Variants in KALRN observed in about 807,000 individuals in gnomAD.
KALRN encodes kalirin.
Under a neutral mutation model 353.7 loss-of-function variants are expected in KALRN, and 70 were observed. That is an observed-to-expected ratio of 0.20 (90% CI 0.16 to 0.24). KALRN has a LOEUF of 0.24. Ranked by LOEUF, KALRN falls within the 10% of genes least tolerant of loss-of-function variation. The pLI, the probability that KALRN is intolerant of heterozygous loss-of-function variation, is 1.00. For missense variants in KALRN, 2,791 were observed against 3,756.7 expected (o/e 0.74, Z 6.72); for synonymous variants, 1,391 against 1,434.8 (o/e 0.97, Z 0.69).
chr3:124,377,945 T>C (rs762173905), intron 10 of KALRN, among the ~76,000 whole-genome samples: 1 of 152,146 alleles, frequency 6.6e-6, no homozygotes, highest in Non-Finnish European at 1.5e-5. Context: ...TTTGTACTTA[T>C]AGTGCATTCC....
At chr3:124,360,635 G>A (rs78311378) in intron 10 of KALRN, among the ~76,000 whole-genome samples, 172 of 152,364 alleles carry the variant, frequency 1.1e-3, no homozygotes, top group Non-Finnish European at 2.0e-3. Flanking sequence ...CCAGAGGAAA[G>A]CTTTCTTGTC....
At chr3:124,516,683 G>T (rs1397364486) in intron 33 of KALRN, among the ~76,000 whole-genome samples, 3 of 149,434 alleles carry the variant, frequency 2.0e-5, no homozygotes, top group Non-Finnish European at 3.0e-5. Context: ...ATTATGGTGT[G>T]TGTGGGGGTG....
intron 14 of KALRN, among the ~76,000 whole-genome samples, chr3:124,415,823 A>G (rs925368050): frequency 1.3e-5 from 2 of 152,238 alleles, no homozygotes; most frequent in Non-Finnish European, 2.9e-5. Context: ...ACTTGGGAGC[A>G]GATTAGGAAT....
At chr3:124,598,010 C>T (rs2076431378) in intron 34 of KALRN, among the ~76,000 whole-genome samples, 1 of 152,144 alleles carries the variant, frequency 6.6e-6, no homozygotes, top group Non-Finnish European at 1.5e-5. Flanking sequence ...GAAGACCCAG[C>T]TCTTTGGAAG....
intron 54 of KALRN, among the ~76,000 whole-genome samples, chr3:124,696,546 T>G (rs1004805914): frequency 6.6e-6 from 1 of 152,216 alleles, no homozygotes; most frequent in African/African-American, 2.4e-5. Context: ...TCTTAACCAT[T>G]TTTTAAAAAA....
At chr3:124,592,324 A>G (rs1053007559) in intron 34 of KALRN, among the ~76,000 whole-genome samples, 18 of 151,366 alleles carry the variant, frequency 1.2e-4, no homozygotes, top group South Asian at 1.1e-3. Context: ...AAAAAAAAAA[A>G]AAAAAGAAAA....
intron 1 of KALRN, among the ~76,000 whole-genome samples, chr3:124,143,250 G>A (rs893491785): frequency 6.6e-6 from 1 of 152,100 alleles, no homozygotes; most frequent in Non-Finnish European, 1.5e-5. Context: ...GCAAGAAAAG[G>A]CACATATTTC....
intron 5 of KALRN, among the ~76,000 whole-genome samples, chr3:124,273,576 G>A (rs2074387659): frequency 1.3e-5 from 2 of 152,280 alleles, no homozygotes; most frequent in South Asian, 4.2e-4. Context: ...AATAGACATA[G>A]CCATACCTCC....
chr3:124,572,560 C>T (rs1176779427), intron 34 of KALRN, among the ~76,000 whole-genome samples: 2 of 152,070 alleles, frequency 1.3e-5, no homozygotes, highest in African/African-American at 4.8e-5. Context: ...CCTAATCTTC[C>T]TGGGTTTAGC....
chr3:124,345,000 A>G (rs2082128843), intron 9 of KALRN, among the ~76,000 whole-genome samples: 1 of 152,168 alleles, frequency 6.6e-6, no homozygotes, highest in Non-Finnish European at 1.5e-5. Flanking sequence ...TCTTCAACCA[A>G]TTTGCTTCAG....
chr3:124,240,032 C>A (rs1417780150), intron 3 of KALRN, among the ~76,000 whole-genome samples: 1 of 152,158 alleles, frequency 6.6e-6, no homozygotes, highest in Non-Finnish European at 1.5e-5. Flanking sequence ...TGAATTTAAA[C>A]CCTATGTATA....
intron 2 of KALRN, among the ~76,000 whole-genome samples, chr3:124,233,007 T>C (rs1011684509): frequency 1.3e-5 from 2 of 152,066 alleles, no homozygotes; most frequent in African/African-American, 4.8e-5. Flanking sequence ...AAAGTGACTA[T>C]CTTCCAGCCA....
intron 50 of KALRN, 67 bp downstream of exon 50, chr3:124,678,380 A>G (rs2087434841): frequency 5.1e-6 from 8 of 1,559,688 alleles, no homozygotes; most frequent in African/African-American, 1.4e-5. Context: ...CATTCTCACA[A>G]GCCAATTTGG....
In KALRN at chr3:124,726,102, A is replaced by G. The variant is rs1221194769; in HGVS notation, c.*6632A>G. 3 of 152,086 alleles carry G rather than the reference A, an allele frequency of 2.0e-5. No individual in the cohort carries two copies. The highest frequency in any genetic ancestry group is 1.3e-4 in the Admixed American group (2 of 15,268). 9.4% of individuals were successfully genotyped at this position (152,086 alleles called of 1,614,324 possible). On this transcript the variant is annotated 3_prime_UTR_variant, in exon 60 of 60. Coordinates refer to ENST00000682506, the MANE Select transcript of KALRN (RefSeq NM_001388419.1). ...GTTTTTGGTTATTTTATTATTTTTAAATTTTTCTGCTGTTGTTCATTTTGT... is the reference window on the plus strand; with the variant it reads ...GTTTTTGGTTATTTTATTATTTTTAGATTTTTCTGCTGTTGTTCATTTTGT...
chr3:124,158,997 G>A (rs2069461876), intron 1 of KALRN, among the ~76,000 whole-genome samples: 1 of 152,070 alleles, frequency 6.6e-6, no homozygotes, highest in Non-Finnish European at 1.5e-5. Context: ...ATAGGATCAG[G>A]TATACATCTA....
intron 33 of KALRN, among the ~76,000 whole-genome samples, chr3:124,532,795 T>A (rs1167831834): frequency 1.3e-5 from 2 of 152,088 alleles, no homozygotes; most frequent in African/African-American, 4.8e-5. Flanking sequence ...AGGAAGACTC[T>A]GTCTCCAAAA....
intron 29 of KALRN, among the ~76,000 whole-genome samples, chr3:124,489,852 A>G (rs2062955125): frequency 6.6e-6 from 1 of 152,272 alleles, no homozygotes; most frequent in African/African-American, 2.4e-5. Context: ...CAAGCTCTCC[A>G]GGTGATCCTT....
intron 33 of KALRN, among the ~76,000 whole-genome samples, chr3:124,545,672 G>A (rs138313431): frequency 6.6e-6 from 1 of 152,318 alleles, no homozygotes; most frequent in Non-Finnish European, 1.5e-5. Context: ...CCCACCTGCT[G>A]TGAGGGGGCT....
chr3:124,625,298 G>A (rs937518663), intron 34 of KALRN, among the ~76,000 whole-genome samples: 2 of 152,164 alleles, frequency 1.3e-5, no homozygotes, highest in African/African-American at 2.4e-5. Flanking sequence ...TAGAGTAAAA[G>A]CAGTGCTGTT....
Sources: allele counts gnomAD v4.1 joint callset (sites outside exome capture counted in the v4.1 genomes callset), GRCh38; gene constraint gnomAD v4.1.1; transcripts MANE v1.5; gene names NCBI Gene and HGNC (gene_info 2026-07-23, HGNC 2026-07-21).